The following KALRN variants were observed in gnomAD, a reference collection of about 807,000 sequenced individuals.
The protein encoded by KALRN is kalirin.
Under a neutral mutation model 353.7 loss-of-function variants are expected in KALRN, and 70 were observed. The observed-to-expected ratio is 0.20, with a 90% confidence interval of 0.16 to 0.24. The LOEUF is 0.24. KALRN is among the 10% of genes least tolerant of loss of function. KALRN has a pLI of 1.00. For synonymous variants in KALRN, 1,391 were observed against 1,434.8 expected (o/e 0.97, Z 0.69); for missense variants, 2,791 against 3,756.7 (o/e 0.74, Z 6.72).
intron 34 of KALRN, chr3:124,584,696 G>C: frequency 6.9e-7 from 1 of 1,453,822 alleles, no homozygotes; most frequent in South Asian, 1.5e-5. Flanking sequence ...CCGCGGTGCG[G>C]GGAGAGCACA....
intron 47 of KALRN, among the ~76,000 whole-genome samples, chr3:124,668,642 T>C (rs1166576090): frequency 6.6e-6 from 1 of 152,228 alleles, no homozygotes; most frequent in Non-Finnish European, 1.5e-5. Context: ...GCCAGGCTCC[T>C]GGCCCTCAAC....
At chr3:124,093,387 T>C (rs560623733) in intron 1 of KALRN, among the ~76,000 whole-genome samples, 1 of 152,270 alleles carries the variant, frequency 6.6e-6, no homozygotes, top group African/African-American at 2.4e-5. Flanking sequence ...CAGATGGCTG[T>C]TGGGTAGTTT....
chr3:124,274,043 A>C (rs1025518994), intron 5 of KALRN, among the ~76,000 whole-genome samples: 1 of 152,216 alleles, frequency 6.6e-6, no homozygotes, highest in Non-Finnish European at 1.5e-5. Flanking sequence ...ACTGGGGGCC[A>C]TATGTGGTCT....
At chr3:124,452,396 A>G (rs934802428) in intron 21 of KALRN, among the ~76,000 whole-genome samples, 3 of 152,220 alleles carry the variant, frequency 2.0e-5, no homozygotes, top group Non-Finnish European at 2.9e-5. Context: ...ATAAGATATA[A>G]TACTTACCTT....
chr3:124,510,514 G>A (rs568853541), intron 33 of KALRN, among the ~76,000 whole-genome samples: 2 of 148,770 alleles, frequency 1.3e-5, no homozygotes, highest in East Asian at 4.2e-4. Flanking sequence ...CACAAAAAAT[G>A]CTGAGGGTTT....
At chr3:124,560,139 A>C (rs1328871361) in intron 33 of KALRN, among the ~76,000 whole-genome samples, 1 of 152,124 alleles carries the variant, frequency 6.6e-6, no homozygotes, top group East Asian at 1.9e-4. Flanking sequence ...ATTGTAACCC[A>C]CCCTAGAGGG....
At chr3:124,182,996 T>C (rs957674125) in intron 1 of KALRN, among the ~76,000 whole-genome samples, 1 of 152,210 alleles carries the variant, frequency 6.6e-6, no homozygotes, top group Non-Finnish European at 1.5e-5. Context: ...GTGAACTGAA[T>C]TGTGCCCTTC....
chr3:124,292,861 T>C (rs1225779169), intron 5 of KALRN, among the ~76,000 whole-genome samples: 4 of 152,228 alleles, frequency 2.6e-5, no homozygotes, highest in African/African-American at 9.6e-5. Flanking sequence ...TTCATAGCCA[T>C]CATTTTATTT....
At position 124,655,590 on chromosome 3, in the gene KALRN, C is replaced by T; in HGVS notation, c.5796-11C>T. On this transcript the variant is annotated splice_polypyrimidine_tract_variant and intron_variant, in intron 38 of 59. Coordinates refer to ENST00000682506, the MANE Select transcript of KALRN (RefSeq NM_001388419.1). ...AAGAGGAACACTCACTGTTCTTAAT[C>T]TCCTGCTCAGGTTTGTCCTGAATGA... 1 of 1,610,818 alleles carries T rather than the reference C, an allele frequency of 6.2e-7. No individual in the cohort carries two copies. The highest frequency in any genetic ancestry group is 8.5e-7 in the Non-Finnish European group (1 of 1,176,980).
intron 15 of KALRN, among the ~76,000 whole-genome samples, chr3:124,427,257 G>C (rs1406338238): frequency 6.6e-6 from 1 of 152,208 alleles, no homozygotes; most frequent in African/African-American, 2.4e-5. Flanking sequence ...ATAAAACCAT[G>C]AAGGATGAAC....
intron 51 of KALRN, among the ~76,000 whole-genome samples, chr3:124,684,170 G>T (rs1326943281): frequency 6.6e-6 from 1 of 152,024 alleles, no homozygotes; most frequent in Non-Finnish European, 1.5e-5. Flanking sequence ...AGAGCCACAG[G>T]AACTTGTCCT....
intron 1 of KALRN, among the ~76,000 whole-genome samples, chr3:124,215,056 G>A (rs1044044758): frequency 2.6e-5 from 4 of 152,196 alleles, no homozygotes; most frequent in Non-Finnish European, 5.9e-5. Flanking sequence ...AGGGCAGGGG[G>A]AAGAGGAGTT....
intron 34 of KALRN, among the ~76,000 whole-genome samples, chr3:124,629,854 T>G (rs1366704423): frequency 2.6e-5 from 4 of 152,138 alleles, no homozygotes; most frequent in Admixed American, 6.6e-5. Flanking sequence ...TGTATGGATA[T>G]CTATGTATAG....
chr3:124,321,827 A>G (rs2079372323), intron 6 of KALRN, among the ~76,000 whole-genome samples: 1 of 152,244 alleles, frequency 6.6e-6, no homozygotes, highest in African/African-American at 2.4e-5. Context: ...GCAACGGACC[A>G]TGCTGCAGGT....
intron 16 of KALRN, among the ~76,000 whole-genome samples, chr3:124,432,968 G>A (rs1437130899): frequency 6.6e-6 from 1 of 152,200 alleles, no homozygotes; most frequent in Non-Finnish European, 1.5e-5. Context: ...GAAGGGAACG[G>A]AACCAGAATT....
intron 33 of KALRN, among the ~76,000 whole-genome samples, chr3:124,522,340 A>G (rs1263518354): frequency 6.6e-6 from 1 of 152,020 alleles, no homozygotes; most frequent in Non-Finnish European, 1.5e-5. Context: ...AAATATACAA[A>G]TGAATTGGTG....
intron 8 of KALRN, among the ~76,000 whole-genome samples, chr3:124,331,406 C>T (rs1232795251): frequency 6.6e-6 from 1 of 152,184 alleles, no homozygotes; most frequent in East Asian, 1.9e-4. Context: ...GCTAACCAAA[C>T]ACCACCTGTT....
chr3:124,693,331 A>G (rs1174105102), intron 51 of KALRN, among the ~76,000 whole-genome samples: 1 of 152,148 alleles, frequency 6.6e-6, no homozygotes, highest in Non-Finnish European at 1.5e-5. Flanking sequence ...GGACATTTGG[A>G]AGGAATCCAC....
intron 1 of KALRN, among the ~76,000 whole-genome samples, chr3:124,043,291 A>C (rs2149091970): frequency 6.6e-6 from 1 of 152,296 alleles, no homozygotes; most frequent in African/African-American, 2.4e-5. Flanking sequence ...AAGATTAAAA[A>C]TAGCAAGGTA....
Sources: allele counts gnomAD v4.1 joint callset (sites outside exome capture counted in the v4.1 genomes callset), GRCh38; gene constraint gnomAD v4.1.1; transcripts MANE v1.5; gene names NCBI Gene and HGNC (gene_info 2026-07-23, HGNC 2026-07-21).